Variants in HS6ST3 observed in about 807,000 individuals in gnomAD.
HS6ST3 encodes heparan sulfate 6-O-sulfotransferase 3.
Under a neutral mutation model 36.7 loss-of-function variants are expected in HS6ST3, and 12 were observed. That is an observed-to-expected ratio of 0.33 (90% CI 0.21 to 0.53). The LOEUF is 0.53. HS6ST3 is among the 20% of genes least tolerant of loss of function. The pLI, the probability that HS6ST3 is intolerant of heterozygous loss-of-function variation, is 0.95. For synonymous variants in HS6ST3, 240 were observed against 257.5 expected, an observed-to-expected ratio of 0.93 and a Z score of 0.65; for missense variants, 584 against 640.9, an observed-to-expected ratio of 0.91 and a Z score of 0.96.
At chr13:96,721,383 A>T (rs1160678652) in intron 1 of HS6ST3, among the ~76,000 whole-genome samples, 2 of 152,142 alleles carry the variant, frequency 1.3e-5, no homozygotes, top group Non-Finnish European at 2.9e-5. Flanking sequence ...GACCAAATTG[A>T]ACTGGGTTAA....
At chr13:96,466,786 A>G (rs964007893) in intron 1 of HS6ST3, among the ~76,000 whole-genome samples, 7 of 150,066 alleles carry the variant, frequency 4.7e-5, no homozygotes, top group African/African-American at 1.5e-4. Flanking sequence ...TGTCAATTAT[A>G]TTTTAATAGA....
intron 1 of HS6ST3, among the ~76,000 whole-genome samples, chr13:96,516,141 A>G (rs1170021586): frequency 6.6e-6 from 1 of 151,090 alleles, no homozygotes. Context: ...GGCTCAATGC[A>G]ACCTCTGCCT....
At chr13:96,115,495 G>A (rs745903958) in intron 1 of HS6ST3, among the ~76,000 whole-genome samples, 7 of 152,108 alleles carry the variant, frequency 4.6e-5, no homozygotes, top group Admixed American at 2.6e-4. Flanking sequence ...GAGAACATGC[G>A]GTGTTTGGTT....
intron 1 of HS6ST3, among the ~76,000 whole-genome samples, chr13:96,668,414 T>C (rs1481850180): frequency 6.6e-6 from 1 of 152,210 alleles, no homozygotes; most frequent in Non-Finnish European, 1.5e-5. Flanking sequence ...GGTAAAGTAA[T>C]GCCTGTCTGA....
intron 1 of HS6ST3, among the ~76,000 whole-genome samples, chr13:96,363,061 C>T (rs752207065): frequency 6.6e-6 from 1 of 152,016 alleles, no homozygotes; most frequent in Non-Finnish European, 1.5e-5. Flanking sequence ...GTGACAGAAT[C>T]GTTCTGTGTC....
At chr13:96,802,895 C>T (rs1320106039) in intron 1 of HS6ST3, among the ~76,000 whole-genome samples, 3 of 152,114 alleles carry the variant, frequency 2.0e-5, no homozygotes, top group Admixed American at 1.3e-4. Flanking sequence ...AAAGTCTTAC[C>T]GTAAAAGTAC....
At chr13:96,157,875 C>T (rs760753948) in intron 1 of HS6ST3, among the ~76,000 whole-genome samples, 6 of 152,112 alleles carry the variant, frequency 3.9e-5, no homozygotes, top group Non-Finnish European at 8.8e-5. Context: ...TCTTTGGAGA[C>T]GCACTGTGAG....
chr13:96,496,762 A>G (rs1466952530), intron 1 of HS6ST3, among the ~76,000 whole-genome samples: 4 of 152,138 alleles, frequency 2.6e-5, no homozygotes, highest in African/African-American at 9.7e-5. Context: ...TTTTTAAGCC[A>G]TTAAGCTTTA....
intron 1 of HS6ST3, among the ~76,000 whole-genome samples, chr13:96,164,268 T>G (rs1320429566): frequency 2.6e-5 from 4 of 152,190 alleles, no homozygotes; most frequent in African/African-American, 7.2e-5. Context: ...CATGCATGGC[T>G]AGTGTTAAGC....
chr13:96,718,231 A>G (rs1461670465), intron 1 of HS6ST3, among the ~76,000 whole-genome samples: 1 of 152,202 alleles, frequency 6.6e-6, no homozygotes, highest in African/African-American at 2.4e-5. Context: ...CACAAGATTT[A>G]AATTCCATGA....
At chr13:96,729,286 A>T (rs943855404) in intron 1 of HS6ST3, among the ~76,000 whole-genome samples, 7 of 152,108 alleles carry the variant, frequency 4.6e-5, no homozygotes, top group Non-Finnish European at 7.3e-5. Flanking sequence ...TTCAAAAAGT[A>T]GTGCTGTCCT....
At chr13:96,148,074 TA>T (rs1251833754) in intron 1 of HS6ST3, among the ~76,000 whole-genome samples, 2 of 152,248 alleles carry the variant, frequency 1.3e-5, no homozygotes, top group African/African-American at 4.8e-5. Context: ...TAATCTTTCT[TA>T]AATGTATGTA....
At chr13:96,615,353 A>T (rs867390111) in intron 1 of HS6ST3, among the ~76,000 whole-genome samples, 14 of 152,330 alleles carry the variant, frequency 9.2e-5, no homozygotes, top group Non-Finnish European at 1.8e-4. Context: ...AAATGACAGG[A>T]TCTGATGAGT....
chr13:96,416,648 A>G (rs2055534193), intron 1 of HS6ST3, among the ~76,000 whole-genome samples: 1 of 137,770 alleles, frequency 7.3e-6, no homozygotes, highest in African/African-American at 2.7e-5. Flanking sequence ...TTAGAACTGT[A>G]AACTGTAAGT....
At chr13:96,661,258 G>A (rs1729324348) in intron 1 of HS6ST3, among the ~76,000 whole-genome samples, 1 of 152,096 alleles carries the variant, frequency 6.6e-6, no homozygotes, top group Admixed American at 6.6e-5. Context: ...CACCATTATT[G>A]TATTTTGGTC....
intron 1 of HS6ST3, among the ~76,000 whole-genome samples, chr13:96,353,811 C>T (rs1391107576): frequency 6.6e-6 from 1 of 152,216 alleles, no homozygotes; most frequent in South Asian, 2.1e-4. Flanking sequence ...CTATTGCCAA[C>T]ATATAAAGGA....
chr13:96,258,254 T>C (rs1361938607), intron 1 of HS6ST3, among the ~76,000 whole-genome samples: 1 of 152,198 alleles, frequency 6.6e-6, no homozygotes, highest in African/African-American at 2.4e-5. Context: ...TGGCAATGAC[T>C]GCTTCTAAAT....
chr13:96,376,547 G>A (rs2055315821), intron 1 of HS6ST3, among the ~76,000 whole-genome samples: 1 of 152,164 alleles, frequency 6.6e-6, no homozygotes, highest in African/African-American at 2.4e-5. Flanking sequence ...TCCAAGGTTG[G>A]TAGCATGGCA....
At chr13:96,206,990 A>C (rs534558593) in intron 1 of HS6ST3, among the ~76,000 whole-genome samples, 39 of 152,338 alleles carry the variant, frequency 2.6e-4, no homozygotes, top group Non-Finnish European at 4.0e-4. Flanking sequence ...GCTTCTGCAC[A>C]GCCAAATAAA....
Sources: gnomAD v4.1 joint callset for allele counts (sites outside exome capture counted in the v4.1 genomes callset) on GRCh38, gnomAD v4.1.1 for gene constraint, MANE v1.5 for transcripts, NCBI Gene and HGNC (gene_info 2026-07-23, HGNC 2026-07-21) for gene names.